Variants in PLD1 observed in about 807,000 individuals in gnomAD.
PLD1 encodes the protein phospholipase D1.
Under a neutral mutation model 137.1 loss-of-function variants are expected in PLD1, and 112 were observed. That is an observed-to-expected ratio of 0.82 (90% confidence interval 0.70 to 0.96). The LOEUF (loss-of-function observed/expected upper bound fraction) is 0.96. Among genes scored for constraint, PLD1 ranks in the 40% least tolerant of loss-of-function variants. The pLI, the probability that PLD1 is intolerant of heterozygous loss-of-function variation, is 0.00. For missense variants in PLD1, 1,321 were observed against 1,342.0 expected (o/e 0.98, Z 0.24); for synonymous variants, 431 against 454.7 (o/e 0.95, Z 0.66).
intron 25 of PLD1, among the ~76,000 whole-genome samples, chr3:171,607,104 T>A (rs1250826953): frequency 6.6e-6 from 1 of 152,218 alleles, no homozygotes. Context: ...TCTGGCACCA[T>A]AGGCTTTCTA....
At chr3:171,766,005 T>G (rs777297895) in intron 1 of PLD1, among the ~76,000 whole-genome samples, 9 of 152,230 alleles carry the variant, frequency 5.9e-5, no homozygotes, top group Non-Finnish European at 8.8e-5. Context: ...AAAAGGTGTT[T>G]CCTAACATGA....
intron 23 of PLD1, among the ~76,000 whole-genome samples, chr3:171,624,397 C>T (rs1382879199): frequency 6.6e-6 from 1 of 152,104 alleles, no homozygotes; most frequent in African/African-American, 2.4e-5. Flanking sequence ...GGGTTGAAGA[C>T]AGACTCTCTC....
At chr3:171,665,093 C>T (rs557102409) in intron 19 of PLD1, among the ~76,000 whole-genome samples, 1 of 152,286 alleles carries the variant, frequency 6.6e-6, no homozygotes, top group Non-Finnish European at 1.5e-5. Flanking sequence ...TTTGCTCTGA[C>T]TCAATGAACT....
chr3:171,673,406 C>G (rs1237941989), intron 19 of PLD1, among the ~76,000 whole-genome samples: 2 of 151,836 alleles, frequency 1.3e-5, no homozygotes, highest in African/African-American at 4.8e-5. Context: ...CTCAGCCTCC[C>G]GAGTAGCTAG....
At chr3:171,620,062 A>G (rs1165426535) in intron 24 of PLD1, among the ~76,000 whole-genome samples, 1 of 152,220 alleles carries the variant, frequency 6.6e-6, no homozygotes, top group East Asian at 1.9e-4. Flanking sequence ...CACAGATAAA[A>G]ATAGTTTAGT....
chr3:171,668,831 CTCTGTCTTT>C (rs1332129714), intron 19 of PLD1, among the ~76,000 whole-genome samples: 1 of 152,180 alleles, frequency 6.6e-6, no homozygotes, highest in African/African-American at 2.4e-5. Flanking sequence ...GTCAAATATC[CTCTGTCTTT>C]ATAATATATC....
At chr3:171,710,199 T>A (rs1413474928) in intron 9 of PLD1, among the ~76,000 whole-genome samples, 2 of 152,160 alleles carry the variant, frequency 1.3e-5, no homozygotes, top group African/African-American at 4.8e-5. Context: ...TAGCTGGGAC[T>A]ACAGGCACCC....
chr3:171,646,495 T>C (rs923247711), intron 21 of PLD1, among the ~76,000 whole-genome samples: 5 of 152,080 alleles, frequency 3.3e-5, no homozygotes, highest in African/African-American at 4.8e-5. Flanking sequence ...TTGGCTGCCA[T>C]GCTAAGAAAC....
rs1390126659 is a variant in PLD1 at position 171,677,648 on chromosome 3, A to G, written c.1914T>C (p.His638=). 1 of 1,613,834 alleles carries G rather than the reference A, an allele frequency of 6.2e-7. No individual in the cohort carries two copies. Among genetic ancestry groups the G allele is most frequent in the Non-Finnish European group, 8.5e-7 (1 of 1,179,830 alleles). ...RSLQTGVGEL[H]GETRFWHGKD... ...TTCCATGCCAGAATCTGGTTTCCCCATGCAGCTCTCCCACACCTGTCTGTA... is the reference window on the plus strand; with the variant it reads ...TTCCATGCCAGAATCTGGTTTCCCCGTGCAGCTCTCCCACACCTGTCTGTA... Residue 638 remains histidine (H), a synonymous_variant, in exon 17 of 27, where the codon CAT becomes CAC. Coordinates refer to ENST00000351298, the MANE Select transcript of PLD1 (RefSeq NM_002662.5).
chr3:171,654,228 G>A (rs1260571948), intron 21 of PLD1: 7 of 302,352 alleles, frequency 2.3e-5, no homozygotes, highest in South Asian at 1.2e-4. Context: ...GCTTGAACCC[G>A]GGAGATGGAG....
chr3:171,751,262 T>G (rs1720638308), intron 1 of PLD1, among the ~76,000 whole-genome samples: 1 of 152,154 alleles, frequency 6.6e-6, no homozygotes, highest in Non-Finnish European at 1.5e-5. Context: ...AGAAGAATGT[T>G]CTTAAGACCT....
Position 171,735,511 on chromosome 3 carries a change from T to G in PLD1, c.415A>C (p.Ile139Leu), listed in dbSNP as rs376334501. The change falls in exon 4 of 27, where the codon ATC becomes CTC. Residue 139 changes from isoleucine (I) to leucine (L), a missense_variant. Physicochemically the swap from Ile to Leu is conservative, Grantham distance 5. Transcript: ENST00000351298. ...GGTTACCTTCTAGTGGGAATGGGGA[T>G]GCGGATAAAGGCTTTGTACTTGAGC... ...ELLKYKAFIR[I>L]PIPTRRHTFR... 17 of 1,613,496 alleles carry G rather than the reference T, an allele frequency of 1.1e-5. No individual in the cohort carries two copies. Among genetic ancestry groups the G allele is most frequent in the Non-Finnish European group, 1.4e-5 (17 of 1,179,538 alleles).
rs532681548 is a variant in PLD1 at position 171,781,756 on chromosome 3, G to C, written c.-32+28643C>G. Among the ~76,000 whole-genome samples, 31 of 152,318 alleles carry C rather than the reference G, an allele frequency of 2.0e-4. No individual in the cohort carries two copies. The East Asian group carries it at 5.8e-3, about 28-fold the overall frequency. On this transcript the variant is annotated intron_variant, in intron 1 of 26. Coordinates refer to ENST00000351298, the MANE Select transcript of PLD1 (RefSeq NM_002662.5). ...AAACCCAAATGCTGGCAAGGATACA[G>C]AGACAGCACAACTCTCATTCACCAT...
At chr3:171,614,338 T>C (rs1732918359) in intron 24 of PLD1, among the ~76,000 whole-genome samples, 1 of 152,210 alleles carries the variant, frequency 6.6e-6, no homozygotes, top group Non-Finnish European at 1.5e-5. Flanking sequence ...AGCTATATCT[T>C]TGAGCTTGAC....
At chr3:171,650,213 A>G (rs535827898) in intron 21 of PLD1, among the ~76,000 whole-genome samples, 2 of 152,286 alleles carry the variant, frequency 1.3e-5, no homozygotes, top group East Asian at 1.9e-4. Context: ...GCAAGGAATC[A>G]GTCCTTTGGC....
intron 1 of PLD1, among the ~76,000 whole-genome samples, chr3:171,749,493 C>A (rs1393699646): frequency 1.3e-5 from 2 of 152,150 alleles, no homozygotes; most frequent in African/African-American, 4.8e-5. Flanking sequence ...AAAAATTATC[C>A]AAGATCACAA....
chr3:171,780,657 G>C (rs1722762707), intron 1 of PLD1, among the ~76,000 whole-genome samples: 1 of 152,194 alleles, frequency 6.6e-6, no homozygotes, highest in African/African-American at 2.4e-5. Flanking sequence ...CAAAGGAGCT[G>C]AGAGATGAAG....
Position 171,733,470 on chromosome 3 carries a change from G to C in PLD1, c.580C>G (p.Pro194Ala), listed in dbSNP as rs901980511. 7.3e-7 allele frequency: 1 copy of C among 1,364,998 alleles called. No individual in the cohort carries two copies. The highest frequency in any genetic ancestry group is 1.0e-6 in the Non-Finnish European group (1 of 957,150). The allele number at this position is 1,364,998 out of a possible 1,614,324, so 84.6% of individuals were successfully genotyped here. A position where few individuals can be genotyped will look rare whatever the true frequency, so the allele number is the denominator to read the frequency against. The change falls in exon 6 of 27, where the codon CCC becomes GCC. Residue 194 changes from proline (P) to alanine (A), a missense_variant. Physicochemically the swap from Pro to Ala is conservative, Grantham distance 27 (BLOSUM62 -1). Transcript: ENST00000351298. Reference protein sequence around the residue: ...EDYLTKILKMPMYRNYHATTE... With the variant: ...EDYLTKILKMAMYRNYHATTE... ...GTGGCATGATAGTTTCTATACATGG[G>C]CATTTTTAGTATCTTTGTCAAGTAA...
At chr3:171,641,093 C>A (rs922534766) in intron 23 of PLD1, among the ~76,000 whole-genome samples, 1 of 152,146 alleles carries the variant, frequency 6.6e-6, no homozygotes, top group Non-Finnish European at 1.5e-5. Flanking sequence ...GGAGCCTTAA[C>A]CCTGATCTGC....
Sources: allele counts gnomAD v4.1 joint callset (sites outside exome capture counted in the v4.1 genomes callset), GRCh38; gene constraint gnomAD v4.1.1; transcripts MANE v1.5; gene names NCBI Gene and HGNC (gene_info 2026-07-23, HGNC 2026-07-21).